Variants in ENTPD1 observed in about 807,000 individuals in gnomAD.
ENTPD1 encodes ectonucleoside triphosphate diphosphohydrolase 1, also known as ATP diphosphohydrolase.
A neutral mutation model predicts 57.0 loss-of-function variants in ENTPD1; 33 were observed. That is an observed-to-expected ratio of 0.58 (90% CI 0.44 to 0.77). The LOEUF is 0.77. ENTPD1 is among the 30% of genes least tolerant of loss of function. The pLI, the probability that ENTPD1 is intolerant of heterozygous loss-of-function variation, is 0.00. For missense variants in ENTPD1, 501 were observed against 603.4 expected, an observed-to-expected ratio of 0.83 and a Z score of 1.78; for synonymous variants, 202 against 218.8, an observed-to-expected ratio of 0.92 and a Z score of 0.68.
chr10:95,721,349 G>A (rs2097977236), intron 1 of ENTPD1, among the ~76,000 whole-genome samples: 1 of 152,166 alleles, frequency 6.6e-6, no homozygotes, highest in South Asian at 2.1e-4. Context: ...TGGCCTGTGG[G>A]GAATCATTCT....
At position 95,872,119 on chromosome 10, in the gene ENTPD1, C is replaced by T; in HGVS notation, c.*5736C>T. On this transcript the variant is annotated 3_prime_UTR_variant, in exon 10 of 10. Coordinates refer to ENST00000371205, the MANE Select transcript of ENTPD1 (RefSeq NM_001776.6). ...TCTCCTTCTAATATTACTGTTATTGCTCCAGTAAAGAGCTGTAATATATTT... is the reference window on the plus strand; with the variant it reads ...TCTCCTTCTAATATTACTGTTATTGTTCCAGTAAAGAGCTGTAATATATTT... 2 of 985,414 alleles carry T rather than the reference C, an allele frequency of 2.0e-6. No individual in the cohort carries two copies. Among genetic ancestry groups the T allele is most frequent in the Non-Finnish European group, 2.4e-6 (2 of 829,930 alleles). 61.0% of individuals were successfully genotyped at this position (985,414 alleles called of 1,614,324 possible).
At chr10:95,797,634 G>A (rs890261803) in intron 1 of ENTPD1, among the ~76,000 whole-genome samples, 1 of 152,152 alleles carries the variant, frequency 6.6e-6, no homozygotes, top group Admixed American at 6.5e-5. Flanking sequence ...GAAGGCAATG[G>A]GCATATCACA....
chr10:95,845,691 G>A, intron 6 of ENTPD1, 95 bp downstream of exon 6: 1 of 1,609,992 alleles, frequency 6.2e-7, no homozygotes. Context: ...TAGTTTGTCT[G>A]AACTTGGTTA....
chr10:95,836,471 T>C (rs2098409958), intron 2 of ENTPD1, among the ~76,000 whole-genome samples: 1 of 152,216 alleles, frequency 6.6e-6, no homozygotes. Flanking sequence ...TTATAAGTGA[T>C]ATTTAAGAAA....
At chr10:95,721,649 TA>T (rs1219761106) in intron 1 of ENTPD1, among the ~76,000 whole-genome samples, 1 of 151,224 alleles carries the variant, frequency 6.6e-6, no homozygotes, top group Non-Finnish European at 1.5e-5. Context: ...GAATACATCT[TA>T]GGGGCGTTTT....
In ENTPD1 at chr10:95,866,740, G is replaced by T; in HGVS notation, c.*357G>T. On this transcript the variant is annotated 3_prime_UTR_variant, in exon 10 of 10. Coordinates refer to ENST00000371205, the MANE Select transcript of ENTPD1 (RefSeq NM_001776.6). ...GAGAGTCTTGAGTCCTGTGATAGGA[G>T]GCTGAGCTGGCTGAAAGAAGAATCT... 1 of 1,139,406 alleles carries T rather than the reference G, an allele frequency of 8.8e-7. No individual in the cohort carries two copies. Among genetic ancestry groups the T allele is most frequent in the Non-Finnish European group, 1.1e-6 (1 of 919,666 alleles). The allele number at this position is 1,139,406 out of a possible 1,614,324, so 70.6% of individuals were successfully genotyped here.
chr10:95,851,926 A>G (rs368760931), intron 7 of ENTPD1, among the ~76,000 whole-genome samples: 3 of 152,054 alleles, frequency 2.0e-5, no homozygotes, highest in African/African-American at 4.8e-5. Flanking sequence ...ATGATTTATA[A>G]TCCTTTGGGT....
chr10:95,760,975 G>A (rs1174637312), intron 1 of ENTPD1, among the ~76,000 whole-genome samples: 1 of 151,492 alleles, frequency 6.6e-6, no homozygotes, highest in African/African-American at 2.4e-5. Context: ...GACTACAGGC[G>A]CCTGCCACTA....
chr10:95,734,003 T>C (rs1262105667), intron 1 of ENTPD1, among the ~76,000 whole-genome samples: 1 of 152,206 alleles, frequency 6.6e-6, no homozygotes, highest in Non-Finnish European at 1.5e-5. Context: ...TCTGTGGTCA[T>C]GTCCTGCTGG....
chr10:95,806,521 G>C (rs1418957351), intron 1 of ENTPD1, among the ~76,000 whole-genome samples: 4 of 152,194 alleles, frequency 2.6e-5, no homozygotes, highest in Admixed American at 2.6e-4. Flanking sequence ...ATCCAGCTTT[G>C]TTCCATTGCT....
intron 1 of ENTPD1, among the ~76,000 whole-genome samples, chr10:95,741,296 G>A (rs2098000045): frequency 6.6e-6 from 1 of 152,124 alleles, no homozygotes; most frequent in Admixed American, 6.5e-5. Flanking sequence ...AGGAGATAGT[G>A]GGACAGACAG....
At chr10:95,760,278 C>G (rs1442626400) in intron 1 of ENTPD1, among the ~76,000 whole-genome samples, 1 of 152,216 alleles carries the variant, frequency 6.6e-6, no homozygotes, top group Non-Finnish European at 1.5e-5. Flanking sequence ...TCAGTTGGAT[C>G]TAGAAAGATG....
intron 1 of ENTPD1, among the ~76,000 whole-genome samples, chr10:95,814,783 T>C (rs1326279633): frequency 1.3e-5 from 2 of 152,146 alleles, no homozygotes; most frequent in Non-Finnish European, 2.9e-5. Flanking sequence ...ACGTCTGTGG[T>C]TCAAGAGATC....
chr10:95,857,280 G>A (rs1566246485), intron 7 of ENTPD1, among the ~76,000 whole-genome samples: 1 of 152,116 alleles, frequency 6.6e-6, no homozygotes, highest in African/African-American at 2.4e-5. Context: ...ATAGAAATTT[G>A]TTGTTTGTTG....
Position 95,871,760 on chromosome 10 carries a change from T to A in ENTPD1, c.*5377T>A, listed in dbSNP as rs1404750748. 2 of 985,328 alleles carry A rather than the reference T, an allele frequency of 2.0e-6. No individual in the cohort carries two copies. The highest frequency in any genetic ancestry group is 3.5e-5 in the African/African-American group (2 of 57,236). 61.0% of individuals were successfully genotyped at this position (985,328 alleles called of 1,614,324 possible). ...TGATCACCCTCATCAGCACTAGAGT[T>A]GACTTGTTTTTATAACCCCTTTGCA... On this transcript the variant is annotated 3_prime_UTR_variant, in exon 10 of 10. Transcript: ENST00000371205.
chr10:95,703,348 G>A, the ENTPD1 span, among the ~76,000 whole-genome samples: 4 of 152,018 alleles, frequency 2.6e-5, no homozygotes, highest in African/African-American at 9.7e-5. Context: ...GCAATGGAAA[G>A]AATAAATATA....
chr10:95,815,012 T>C (rs538268035), intron 1 of ENTPD1, among the ~76,000 whole-genome samples: 1 of 152,380 alleles, frequency 6.6e-6, no homozygotes, highest in East Asian at 1.9e-4. Context: ...AGTTTGTCTT[T>C]AGCAGTTGTG....
exon 1 of ENTPD1, chr10:95,711,979 C>T (rs776554101): frequency 1.2e-6 from 2 of 1,608,594 alleles, no homozygotes; most frequent in Admixed American, 1.7e-5. Flanking sequence ...AAGGACCTGA[C>T]AAGCCAGCAG....
At chr10:95,828,732 C>T (rs1299547918) in intron 2 of ENTPD1, among the ~76,000 whole-genome samples, 6 of 120,850 alleles carry the variant, frequency 5.0e-5, no homozygotes, top group East Asian at 4.5e-4. Flanking sequence ...TTTTTTGAGA[C>T]GGAGTTTTGC....
Sources: allele counts gnomAD v4.1 joint callset (sites outside exome capture counted in the v4.1 genomes callset), GRCh38; gene constraint gnomAD v4.1.1; transcripts MANE v1.5; gene names NCBI Gene and HGNC (gene_info 2026-07-23, HGNC 2026-07-21).